TP53BP1: variants seen among roughly 807,000 people sequenced by gnomAD.
The protein encoded by TP53BP1 is tumor protein p53 binding protein 1.
Under a neutral mutation model 200.8 loss-of-function variants are expected in TP53BP1, and 61 were observed. The observed-to-expected ratio is 0.30, with a 90% CI of 0.25 to 0.38. TP53BP1 has a LOEUF of 0.38. Among genes scored for constraint, TP53BP1 ranks in the 10% least tolerant of loss-of-function variants. The probability of loss-of-function intolerance (pLI) is 1.00; values close to 1 mark genes in which losing one functional copy is unlikely to be tolerated. For synonymous variants in TP53BP1, 822 were observed against 844.3 expected (o/e 0.97, Z 0.46); for missense variants, 2,144 against 2,371.9 (o/e 0.90, Z 2.00).
intron 24 of TP53BP1, 82 bp downstream of exon 24, chr15:43,413,036 CA>C (rs2045163448): frequency 7.3e-7 from 1 of 1,369,950 alleles, no homozygotes; most frequent in Non-Finnish European, 1.0e-6. Context: ...CTACATACAA[CA>C]GGGGGACCAC....
intron 26 of TP53BP1, chr15:43,408,664 G>A: frequency 1.9e-6 from 1 of 515,154 alleles, no homozygotes. Flanking sequence ...GACTTTACAG[G>A]TTGAGAATAT....
rs1372391954 is a variant in TP53BP1 at position 43,480,761 on chromosome 15, C to G, written c.499+134G>C. The stretch of plus-strand genomic sequence containing the variant: ...CAGGTGGAACATTTTAAATTACTAG[C>G]AAATTTCTTAATGACTCTCAATTTA... On this transcript the variant is annotated intron_variant, in intron 5 of 27. Coordinates refer to ENST00000382044, the MANE Select transcript of TP53BP1 (RefSeq NM_001141980.3). 10 of 1,033,554 alleles carry G rather than the reference C, an allele frequency of 9.7e-6. No homozygotes were observed. The African/African-American group carries it at 1.6e-4, about 17-fold the overall frequency. 64.0% of individuals were successfully genotyped at this position (1,033,554 alleles called of 1,614,324 possible). A position where few individuals can be genotyped will look rare whatever the true frequency, so the allele number is the denominator to read the frequency against.
intron 14 of TP53BP1, among the ~76,000 whole-genome samples, chr15:43,445,883 A>G: frequency 6.6e-6 from 1 of 152,222 alleles, no homozygotes; most frequent in East Asian, 1.9e-4. Context: ...ACAAAAGCAC[A>G]AGGTTTTGAA....
In TP53BP1 at chr15:43,479,974, G is replaced by T; in HGVS notation, c.543C>A (p.Ser181=). 1 of 1,614,016 alleles carries T rather than the reference G, an allele frequency of 6.2e-7. No individual in the cohort carries two copies. The highest frequency in any genetic ancestry group is 8.5e-7 in the Non-Finnish European group (1 of 1,180,020). ...TATTTTCCTCAACATCCTGGCTCTG[G>T]GAGAGTTCCAGAACCCCAAAACCCA... ...SQLGFGVLEL[S]QSQDVEENTV... is the part of the protein sequence containing the mutation. The change falls in exon 6 of 28, where the codon TCC becomes TCA. Residue 181 remains serine, a synonymous_variant. Transcript: ENST00000382044.
At chr15:43,425,875 C>T (rs1286723320) in intron 18 of TP53BP1, among the ~76,000 whole-genome samples, 1 of 151,902 alleles carries the variant, frequency 6.6e-6, no homozygotes, top group Non-Finnish European at 1.5e-5. Context: ...ACCATCCTGG[C>T]TAACACGGTG....
intron 12 of TP53BP1, among the ~76,000 whole-genome samples, chr15:43,451,716 G>A (rs984417724): frequency 1.3e-5 from 2 of 152,134 alleles, no homozygotes; most frequent in African/African-American, 4.8e-5. Context: ...GGGATGGCTG[G>A]GTCAAATGGT....
chr15:43,446,640 A>C, intron 13 of TP53BP1, 50 bp from the exon 14 acceptor site: 1 of 1,589,888 alleles, frequency 6.3e-7, no homozygotes, highest in Non-Finnish European at 8.6e-7. Context: ...TAAAATACAA[A>C]CACAAAAAAC....
At chr15:43,473,969 G>C (rs2264048) in intron 10 of TP53BP1, among the ~76,000 whole-genome samples, 3,406 of 152,354 alleles carry the variant, frequency 0.022, 123 homozygotes, top group African/African-American at 0.078. Flanking sequence ...GCCCACGGAG[G>C]GGGTGGAAGG....
At chr15:43,463,192 T>C (rs1344789712) in intron 11 of TP53BP1, among the ~76,000 whole-genome samples, 1 of 152,210 alleles carries the variant, frequency 6.6e-6, no homozygotes, top group Non-Finnish European at 1.5e-5. Flanking sequence ...AATACATATA[T>C]CAAGAATGAG....
rs1001267678 is a variant in TP53BP1, at chr15:43,441,683, A to G, written c.3041-100T>C. ...TCTGCTCTACTAGTATTTGCAAAAA[A>G]TAACAAAAAGAAATAAAAATAAGTA... is the stretch of plus-strand genomic sequence containing the variant. On this transcript the variant is annotated intron_variant, in intron 14 of 27. Transcript: ENST00000382044. 5.3e-5 allele frequency: 39 copies of G among 735,634 alleles called. No individual in the cohort carries two copies. In the African/African-American group the frequency reaches 6.5e-4, roughly 12 times the overall value. 45.6% of individuals were successfully genotyped at this position (735,634 alleles called of 1,614,324 possible).
At chr15:43,425,715 C>T (rs1441158836) in intron 18 of TP53BP1, among the ~76,000 whole-genome samples, 1 of 152,196 alleles carries the variant, frequency 6.6e-6, no homozygotes, top group Non-Finnish European at 1.5e-5. Flanking sequence ...TGGACTACAA[C>T]AGTTACAAAA....
chr15:43,467,357 C>A (rs2046609741), intron 11 of TP53BP1, among the ~76,000 whole-genome samples: 1 of 152,098 alleles, frequency 6.6e-6, no homozygotes, highest in Admixed American at 6.5e-5. Flanking sequence ...GGCTACTGCG[C>A]CCGGCCTACT....
chr15:43,477,496 C>G, intron 8 of TP53BP1, 97 bp downstream of exon 8: 1 of 1,247,446 alleles, frequency 8.0e-7, no homozygotes, highest in Non-Finnish European at 1.1e-6. Flanking sequence ...AGTCTGCAAA[C>G]CTATAAAATG....
At chr15:43,451,500 C>T (rs1364466400) in intron 12 of TP53BP1, among the ~76,000 whole-genome samples, 1 of 152,156 alleles carries the variant, frequency 6.6e-6, no homozygotes, top group Non-Finnish European at 1.5e-5. Flanking sequence ...CATGTCCCTA[C>T]AAAGGACACG....
rs970031595 is a variant in TP53BP1 at position 43,413,334 on chromosome 15, C to T, written c.5090G>A (p.Gly1697Asp). ...RGRKSATVKPGAVGAGEFVSP... is the reference protein window; with the variant it reads ...RGRKSATVKPDAVGAGEFVSP... ...CACAAACTCTCCTGCCCCTACTGCA[C>T]CTGGGAAGGACAGGGGCACAGTTAC... Residue 1697 changes from glycine to aspartate, a missense_variant and splice_region_variant, in exon 24 of 28, where the codon GGT (glycine) becomes GAT (aspartate). Gly to Asp is a moderately conservative substitution (Grantham distance 94). Transcript: ENST00000382044. 3.1e-6 allele frequency: 5 copies of T among 1,613,330 alleles called. No homozygotes were observed. The highest frequency in any genetic ancestry group is 1.7e-4 in the Middle Eastern group (1 of 6,042).
chr15:43,478,345 A>G (rs2078913786), intron 7 of TP53BP1, among the ~76,000 whole-genome samples: 1 of 152,336 alleles, frequency 6.6e-6, no homozygotes, highest in Non-Finnish European at 1.5e-5. Flanking sequence ...ACAGAATAGC[A>G]TAACTAGATG....
intron 14 of TP53BP1, among the ~76,000 whole-genome samples, chr15:43,445,040 C>T (rs2046010541): frequency 6.6e-6 from 1 of 152,148 alleles, no homozygotes; most frequent in African/African-American, 2.4e-5. Flanking sequence ...GGGTTAAAAT[C>T]TGTAAACTTG....
intron 11 of TP53BP1, among the ~76,000 whole-genome samples, chr15:43,457,846 C>G (rs1428520753): frequency 1.3e-5 from 2 of 151,876 alleles, no homozygotes; most frequent in African/African-American, 4.8e-5. Flanking sequence ...TGGCGAAACC[C>G]TGTCTCTACC....
At chr15:43,447,515 A>G in intron 12 of TP53BP1, 30 bp from the exon 13 acceptor site, 1 of 1,461,354 alleles carries the variant, frequency 6.8e-7, no homozygotes, top group Non-Finnish European at 9.1e-7. Flanking sequence ...GAAAAAAGAA[A>G]GAAAGAAAAA....
Sources: allele counts gnomAD v4.1 joint callset (sites outside exome capture counted in the v4.1 genomes callset), GRCh38; gene constraint gnomAD v4.1.1; transcripts MANE v1.5; gene names NCBI Gene and HGNC (gene_info 2026-07-23, HGNC 2026-07-21).